Variants in MROH9 observed in about 807,000 individuals in gnomAD.
The protein encoded by MROH9 is maestro heat-like repeat-containing protein family member 9.
Under a neutral mutation model 98.2 loss-of-function variants are expected in MROH9, and 92 were observed. The observed-to-expected ratio is 0.94, with a 90% CI of 0.79 to 1.11. The LOEUF is 1.11. MROH9 is among the 50% of genes most tolerant of loss of function. The pLI, the probability that MROH9 is intolerant of heterozygous loss-of-function variation, is 0.00. For missense variants in MROH9, 1,057 were observed against 1,014.8 expected (o/e 1.04, Z -0.57); for synonymous variants, 397 against 368.9 (o/e 1.08, Z -0.87).
chr1:171,031,499 T>C (rs1033587130), intron 20 of MROH9, among the ~76,000 whole-genome samples: 2 of 152,090 alleles, frequency 1.3e-5, no homozygotes, highest in African/African-American at 4.8e-5. Flanking sequence ...TCCCTCAACA[T>C]TTGTCTTGAA....
intron 3 of MROH9, among the ~76,000 whole-genome samples, chr1:170,956,969 A>G (rs1443298729): frequency 6.6e-6 from 1 of 150,492 alleles, no homozygotes; most frequent in Non-Finnish European, 1.5e-5. Flanking sequence ...TATTTTTTGG[A>G]AAAAGTTTTA....
At chr1:171,059,498 A>G (rs1653949187) in intron 20 of MROH9, among the ~76,000 whole-genome samples, 1 of 152,238 alleles carries the variant, frequency 6.6e-6, no homozygotes, top group Non-Finnish European at 1.5e-5. Flanking sequence ...TCAAAGATCT[A>G]GAACCAGAAA....
At chr1:170,938,273 C>T (rs1648979513) in intron 1 of MROH9, among the ~76,000 whole-genome samples, 1 of 152,164 alleles carries the variant, frequency 6.6e-6, no homozygotes, top group Non-Finnish European at 1.5e-5. Flanking sequence ...TCTAAGCCAG[C>T]AGAGCATAAT....
chr1:171,034,623 G>A (rs974984376), intron 20 of MROH9, among the ~76,000 whole-genome samples: 1 of 152,104 alleles, frequency 6.6e-6, no homozygotes, highest in Non-Finnish European at 1.5e-5. Flanking sequence ...AATCCTTACT[G>A]AGCATCTGTT....
intron 1 of MROH9, among the ~76,000 whole-genome samples, chr1:170,940,314 G>A (rs888359767): frequency 1.3e-5 from 2 of 152,156 alleles, no homozygotes; most frequent in Non-Finnish European, 2.9e-5. Context: ...CAGGTGTCCT[G>A]CCAATAAGTT....
intron 15 of MROH9, among the ~76,000 whole-genome samples, chr1:171,002,170 T>C (rs1223778091): frequency 6.6e-6 from 1 of 152,120 alleles, no homozygotes; most frequent in Non-Finnish European, 1.5e-5. Flanking sequence ...CAGCAGATAG[T>C]TGGTTGGTGA....
intron 15 of MROH9, among the ~76,000 whole-genome samples, chr1:171,003,519 G>C (rs193114777): frequency 6.6e-6 from 1 of 152,248 alleles, no homozygotes; most frequent in African/African-American, 2.4e-5. Context: ...TCTTTTCTGG[G>C]TCTAGCCACC....
At chr1:170,971,705 G>A in intron 7 of MROH9, 43 bp from the exon 8 acceptor site, 1 of 1,602,782 alleles carries the variant, frequency 6.2e-7, no homozygotes, top group Non-Finnish European at 8.5e-7. Context: ...TTTCATATTG[G>A]CTATGCATAG....
At chr1:171,001,802 T>G (rs1651792548) in intron 15 of MROH9, among the ~76,000 whole-genome samples, 2 of 152,240 alleles carry the variant, frequency 1.3e-5, no homozygotes, top group Admixed American at 1.3e-4. Flanking sequence ...TTGTTGACTT[T>G]CTGTCTTGAT....
chr1:171,018,017 C>T (rs1304069313), intron 17 of MROH9, among the ~76,000 whole-genome samples: 1 of 152,138 alleles, frequency 6.6e-6, no homozygotes, highest in Non-Finnish European at 1.5e-5. Flanking sequence ...TTCCCCCCAG[C>T]AAAGCACACC....
chr1:170,961,705 A>C (rs1405931459), intron 5 of MROH9, among the ~76,000 whole-genome samples, 185 bp from the exon 6 acceptor site: 1 of 152,146 alleles, frequency 6.6e-6, no homozygotes, highest in Non-Finnish European at 1.5e-5. Context: ...ATCTGAGATA[A>C]TGCTAAAATT....
intron 1 of MROH9, among the ~76,000 whole-genome samples, chr1:170,937,513 G>GTTT (rs1557864425): frequency 5.7e-5 from 8 of 139,172 alleles, no homozygotes; most frequent in African/African-American, 1.9e-4. Context: ...ATCATAATCA[G>GTTT]TATTTTTTTT....
chr1:170,983,679 C>T, intron 9 of MROH9, 145 bp downstream of exon 9: 1 of 583,492 alleles, frequency 1.7e-6, no homozygotes, highest in Non-Finnish European at 3.0e-6. Context: ...TGATTATAGA[C>T]CATTTAGTTT....
rs1435450220 is a variant in MROH9 at position 171,024,555 on chromosome 1, AT to A, written c.2061+11del. On this transcript the variant is annotated intron_variant, in intron 18 of 21. Coordinates refer to ENST00000367759, the MANE Select transcript of MROH9 (RefSeq NM_001163629.2). ...GATAAAAGAGTAGCTGAAGTAAGTCATTTGATCTTCTTTTTCATAAATTTAC... is the reference window on the plus strand; with the variant it reads ...GATAAAAGAGTAGCTGAAGTAAGTCATTGATCTTCTTTTTCATAAATTTAC... The A allele has an allele frequency of 3.3e-6, 5 of 1,525,610 alleles. No individual in the cohort carries two copies. Among genetic ancestry groups the A allele is most frequent in the Non-Finnish European group, 4.4e-6 (5 of 1,136,234 alleles). The allele number at this position is 1,525,610 out of a possible 1,614,324, so 94.5% of individuals were successfully genotyped here.
At chr1:171,032,699 G>C (rs548998201) in intron 20 of MROH9, among the ~76,000 whole-genome samples, 1 of 152,256 alleles carries the variant, frequency 6.6e-6, no homozygotes, top group African/African-American at 2.4e-5. Context: ...ATGCTAGTAG[G>C]ATCGCTCTTG....
At chr1:171,037,191 T>A (rs1653131005) in intron 20 of MROH9, among the ~76,000 whole-genome samples, 1 of 147,226 alleles carries the variant, frequency 6.8e-6, no homozygotes, top group South Asian at 2.1e-4. Context: ...TTATAGTAGG[T>A]AAAAAATAAA....
At chr1:170,958,430 T>TTC (rs200635156) in intron 3 of MROH9, 31 bp from the exon 4 acceptor site, 27,476 of 253,836 alleles carry the variant, frequency 0.11, 51 homozygotes, top group South Asian at 0.17. Context: ...TTAATTCTTC[T>TTC]TTTTTTTTTT....
chr1:170,978,991 A>T (rs1208191944), intron 8 of MROH9, among the ~76,000 whole-genome samples: 3 of 152,184 alleles, frequency 2.0e-5, no homozygotes, highest in African/African-American at 7.2e-5. Flanking sequence ...ATTGCTGGAG[A>T]TCCAAGCCAG....
At chr1:170,980,886 T>C (rs1227395529) in intron 8 of MROH9, among the ~76,000 whole-genome samples, 1 of 152,126 alleles carries the variant, frequency 6.6e-6, no homozygotes, top group African/African-American at 2.4e-5. Flanking sequence ...AAAGGTCTAA[T>C]ATGCAGAATT....
Sources: allele counts gnomAD v4.1 joint callset (sites outside exome capture counted in the v4.1 genomes callset), GRCh38; gene constraint gnomAD v4.1.1; transcripts MANE v1.5; gene names NCBI Gene and HGNC (gene_info 2026-07-23, HGNC 2026-07-21).